VAV2: variants seen among roughly 807,000 people sequenced by gnomAD.
VAV2 encodes guanine nucleotide exchange factor VAV2.
A neutral mutation model predicts 132.5 loss-of-function variants in VAV2; 67 were observed. That is an observed-to-expected ratio of 0.51 (90% CI 0.42 to 0.62). The LOEUF is 0.62. VAV2 is among the 20% of genes least tolerant of loss of function. The pLI is 0.00. For synonymous variants in VAV2, 492 were observed against 443.5 expected (o/e 1.11, Z -1.37); for missense variants, 938 against 1,153.6 (o/e 0.81, Z 2.71).
chr9:133,932,563 G>A (rs535036150), intron 2 of VAV2, among the ~76,000 whole-genome samples: 20 of 152,302 alleles, frequency 1.3e-4, no homozygotes, highest in Non-Finnish European at 2.8e-4. Flanking sequence ...TAATAAAAAT[G>A]ACTAGGACCT....
At chr9:133,776,110 C>T in intron 23 of VAV2, 30 bp from the exon 24 acceptor site, 1 of 1,609,952 alleles carries the variant, frequency 6.2e-7, no homozygotes, top group Non-Finnish European at 8.5e-7. Context: ...GTGTTAACGG[C>T]CCCCCAGGGC....
rs943003170 is a variant in VAV2, at chr9:133,918,618, G to C, written c.321+20485C>G. On this transcript the variant is annotated intron_variant, in intron 2 of 29. Transcript: ENST00000371850. The surrounding 1 kb of genome is among the most constrained non-coding windows in gnomAD (Gnocchi z 4.7). ...TCCATTTCGTGGGTAAGAAAGCTGA[G>C]GCCCACAGAGTCATGTAGCATGCCC... Among the ~76,000 whole-genome samples the C allele has an allele frequency of 1.3e-5, 2 of 152,072 alleles. No homozygotes were observed. Among genetic ancestry groups the C allele is most frequent in the Non-Finnish European group, 2.9e-5 (2 of 68,024 alleles).
At chr9:133,799,111 G>A (rs1035503520) in intron 9 of VAV2, among the ~76,000 whole-genome samples, 1 of 152,256 alleles carries the variant, frequency 6.6e-6, no homozygotes, top group Admixed American at 6.5e-5. Context: ...CGTCCTGATG[G>A]TGGGGTCTTG....
intron 2 of VAV2, among the ~76,000 whole-genome samples, chr9:133,889,560 G>A (rs1011073810): frequency 1.3e-5 from 2 of 152,146 alleles, no homozygotes; most frequent in Non-Finnish European, 2.9e-5. Flanking sequence ...CTTGCCTTGG[G>A]GCAGGTGTGG....
intron 3 of VAV2, among the ~76,000 whole-genome samples, chr9:133,844,667 G>A (rs1019727194): frequency 3.3e-5 from 5 of 152,156 alleles, no homozygotes; most frequent in Non-Finnish European, 7.4e-5. Context: ...GGCACTGATG[G>A]GCCAGAGCCC....
Position 133,975,514 on chromosome 9 carries a change from G to C in VAV2, c.204+16561C>G, listed in dbSNP as rs546443713. On this transcript the variant is annotated intron_variant, in intron 1 of 29. Transcript: ENST00000371850. ...ATTTTCAAAACACGACATGTATTGC[G>C]GAAAGTATTAGCAGCAGCAACAGCC... Among the ~76,000 whole-genome samples, 3 of 152,308 alleles carry C rather than the reference G, an allele frequency of 2.0e-5. No individual in the cohort carries two copies. The East Asian group carries it at 5.8e-4, about 29-fold the overall frequency.
At chr9:133,777,707 A>G (rs1833865557) in intron 22 of VAV2, among the ~76,000 whole-genome samples, 1 of 152,042 alleles carries the variant, frequency 6.6e-6, no homozygotes, top group South Asian at 2.1e-4. Context: ...AGGCCCCCCC[A>G]AGAAGCTGGC....
At chr9:133,915,789 G>A (rs1840059720) in intron 2 of VAV2, among the ~76,000 whole-genome samples, 1 of 143,210 alleles carries the variant, frequency 7.0e-6, no homozygotes, top group Non-Finnish European at 1.5e-5. Context: ...CGCACACGAT[G>A]TACATGTACA....
At chr9:133,869,484 C>T (rs1041093998) in intron 2 of VAV2, among the ~76,000 whole-genome samples, 2 of 152,090 alleles carry the variant, frequency 1.3e-5, no homozygotes, top group African/African-American at 4.8e-5. Context: ...GTGGCATGCA[C>T]CTGTGGTCCT....
intron 20 of VAV2, 140 bp downstream of exon 20, chr9:133,780,554 C>T (rs568756697): frequency 9.3e-7 from 1 of 1,079,340 alleles, no homozygotes; most frequent in South Asian, 3.5e-5. Flanking sequence ...GCAGAGGCAT[C>T]TTGTGACCAA....
At chr9:133,953,694 C>G (rs1841644367) in intron 1 of VAV2, among the ~76,000 whole-genome samples, 1 of 152,156 alleles carries the variant, frequency 6.6e-6, no homozygotes, top group Non-Finnish European at 1.5e-5. Context: ...ACAGGGGGCT[C>G]AGGCACAGGG....
At chr9:133,963,426 G>A (rs1371184215) in intron 1 of VAV2, among the ~76,000 whole-genome samples, 2 of 152,174 alleles carry the variant, frequency 1.3e-5, no homozygotes, top group African/African-American at 2.4e-5. Flanking sequence ...TCATAAGCTG[G>A]CTCGCTAAGG....
Position 133,883,770 on chromosome 9 carries a change from G to A in VAV2, c.322-22338C>T, listed in dbSNP as rs1189438130. On this transcript the variant is annotated intron_variant, in intron 2 of 29. Transcript: ENST00000371850. The surrounding 1 kb of genome is among the most constrained non-coding windows in gnomAD (Gnocchi z 4.2). ...ACGAGAAGCCCTCCCGGGATCCAGT[G>A]CCACTGTGAGGCTCAAGTACACCCC... is the stretch of plus-strand genomic sequence containing the variant. 6.6e-6 allele frequency among the ~76,000 whole-genome samples: 1 copy of A among 152,218 alleles called. No homozygotes were observed. Among genetic ancestry groups the A allele is most frequent in the Non-Finnish European group, 1.5e-5 (1 of 68,044 alleles).
At chr9:133,987,385 G>T (rs1184309266) in intron 1 of VAV2, among the ~76,000 whole-genome samples, 1 of 152,246 alleles carries the variant, frequency 6.6e-6, no homozygotes, top group Non-Finnish European at 1.5e-5. Flanking sequence ...GGCTGCCAAG[G>T]GGAGGGAGCC....
chr9:133,880,228 G>A (rs1838436921), intron 2 of VAV2, among the ~76,000 whole-genome samples: 1 of 152,224 alleles, frequency 6.6e-6, no homozygotes, highest in Non-Finnish European at 1.5e-5. Context: ...GTGTCCCCAA[G>A]AAGCTCTGTG....
intron 2 of VAV2, among the ~76,000 whole-genome samples, chr9:133,895,084 C>A (rs775006568): frequency 1.1e-4 from 16 of 151,838 alleles, no homozygotes; most frequent in Admixed American, 3.9e-4. Context: ...AGCTCCAAGC[C>A]GAGGCACCGA....
At position 133,834,196 on chromosome 9, in the gene VAV2, C is replaced by T; in HGVS notation, c.449+76G>A. 2.6e-6 allele frequency: 4 copies of T among 1,515,420 alleles called. No homozygotes were observed. The highest frequency in any genetic ancestry group is 3.6e-6 in the Non-Finnish European group (4 of 1,117,506). 93.9% of individuals were successfully genotyped at this position (1,515,420 alleles called of 1,614,324 possible). ...TGCACTGTGGCCGCCATGTTTCCTC[C>T]TGACTCCCTGGACACCACCAGGAAC... On this transcript the variant is annotated intron_variant, in intron 4 of 29. Coordinates refer to ENST00000371850, the MANE Select transcript of VAV2 (RefSeq NM_001134398.2). This position sits in a 1 kb window ranked among gnomAD's most constrained non-coding sequence, Gnocchi z 5.9.
chr9:133,861,466 T>C lies in VAV2; in HGVS notation c.322-34A>G, dbSNP rs768147907. On this transcript the variant is annotated intron_variant, in intron 2 of 29. Transcript: ENST00000371850. ...GACAAGAAGAGACGCTCCTGTAATT[T>C]CACAAGAAACCAGAAAGGCATCACA... 4 of 1,608,496 alleles carry C rather than the reference T, an allele frequency of 2.5e-6. No homozygotes were observed. In the South Asian group the frequency reaches 4.4e-5, roughly 18 times the overall value.
chr9:133,892,746 T>G (rs911351155), intron 2 of VAV2, among the ~76,000 whole-genome samples: 1 of 152,028 alleles, frequency 6.6e-6, no homozygotes, highest in Non-Finnish European at 1.5e-5. Context: ...AGGAGAGGAC[T>G]CACAGGCCAG....
Sources: gnomAD v4.1 joint callset for allele counts (sites outside exome capture counted in the v4.1 genomes callset) on GRCh38, gnomAD v4.1.1 for gene constraint, Gnocchi (gnomAD v3.1) non-coding constraint, MANE v1.5 for transcripts, NCBI Gene and HGNC (gene_info 2026-07-23, HGNC 2026-07-21) for gene names.